Variants in PPFIA1 observed in about 807,000 individuals in gnomAD.
PPFIA1 encodes the protein liprin-alpha-1.
In PPFIA1, 25 loss-of-function variants were observed where a neutral mutation model predicts 149.9. That is an observed-to-expected ratio of 0.17 (90% CI 0.12 to 0.23). The LOEUF is 0.23. Ranked by LOEUF, PPFIA1 falls within the 10% of genes least tolerant of loss-of-function variation. PPFIA1 has a pLI of 1.00. For synonymous variants in PPFIA1, 549 were observed against 552.8 expected (o/e 0.99, Z 0.10); for missense variants, 1,362 against 1,506.5 (o/e 0.90, Z 1.59).
intron 2 of PPFIA1, among the ~76,000 whole-genome samples, chr11:70,313,094 G>A (rs2053394051): frequency 3.3e-5 from 5 of 152,190 alleles, no homozygotes; most frequent in Admixed American, 3.3e-4. Flanking sequence ...TGTTGAGCGA[G>A]CTGTAGATTG....
In PPFIA1 at chr11:70,339,175, C is replaced by A. The variant is rs1480581888; in HGVS notation, c.1576C>A (p.Pro526Thr). The A allele has an allele frequency of 6.2e-6, 10 of 1,613,594 alleles. No individual in the cohort carries two copies. Among genetic ancestry groups the A allele is most frequent in the Non-Finnish European group, 8.5e-6 (10 of 1,179,958 alleles). The change falls in exon 14 of 28, where the codon CCC (proline) becomes ACC (threonine). Residue 526 changes from proline (P) to threonine (T), a missense_variant. Pro to Thr is a conservative substitution (Grantham distance 38, BLOSUM62 -1). Around this residue, in one of 7 missense-constraint regions of PPFIA1, gnomAD observed 733 missense variants for 744.1 expected, o/e 0.99. Transcript: ENST00000253925. The part of the protein sequence containing the change: ...LRGASLHHGR[P>T]HLGSVPDFRF... ...TTCTTATTTTTCATGTTTCAGCCGA[C>A]CCCACTTGGGCAGTGTCCCAGATTT...
At chr11:70,325,234 G>C (rs904871505) in intron 4 of PPFIA1, 2 of 444,518 alleles carry the variant, frequency 4.5e-6, no homozygotes, top group African/African-American at 4.1e-5. Flanking sequence ...GTATTAGGTT[G>C]TTGCAAAAGT....
chr11:70,318,345 C>T (rs1388917501), intron 2 of PPFIA1, among the ~76,000 whole-genome samples: 3 of 152,204 alleles, frequency 2.0e-5, no homozygotes, highest in Admixed American at 1.3e-4. Flanking sequence ...CACCACACCT[C>T]TGGATCTGCA....
intron 2 of PPFIA1, among the ~76,000 whole-genome samples, chr11:70,273,290 C>A (rs755325274): frequency 2.0e-5 from 3 of 151,950 alleles, no homozygotes; most frequent in Non-Finnish European, 4.4e-5. Context: ...CTTAGAACAA[C>A]TGAAATTGTT....
At chr11:70,365,811 A>T (rs2056896640) in intron 21 of PPFIA1, 1 of 390,068 alleles carries the variant, frequency 2.6e-6, no homozygotes, top group Admixed American at 3.3e-5. Context: ...GTTTTGCATG[A>T]TGCTTTGATA....
intron 2 of PPFIA1, among the ~76,000 whole-genome samples, chr11:70,281,877 C>T (rs563548907): frequency 1.6e-4 from 24 of 152,262 alleles, no homozygotes; most frequent in Non-Finnish European, 2.5e-4. Flanking sequence ...GGTGGGTTGC[C>T]GGGCTACAGG....
intron 11 of PPFIA1, 78 bp downstream of exon 11, chr11:70,335,772 T>G (rs1394508644): frequency 6.5e-7 from 1 of 1,527,498 alleles, no homozygotes; most frequent in African/African-American, 1.4e-5. Flanking sequence ...TGAGCAGGCG[T>G]GTGTAACAGT....
At chr11:70,324,647 C>A in intron 3 of PPFIA1, 144 bp downstream of exon 3, 1 of 870,958 alleles carries the variant, frequency 1.1e-6, no homozygotes, top group Non-Finnish European at 1.8e-6. Flanking sequence ...TGTGATTAGT[C>A]AGCATGATCA....
intron 16 of PPFIA1, among the ~76,000 whole-genome samples, chr11:70,351,596 C>G (rs1373205074): frequency 6.6e-6 from 1 of 152,196 alleles, no homozygotes. Flanking sequence ...TTCCTTCAAG[C>G]ATCATGTCAG....
At chr11:70,300,291 T>G (rs1203198009) in intron 2 of PPFIA1, among the ~76,000 whole-genome samples, 1 of 152,228 alleles carries the variant, frequency 6.6e-6, no homozygotes, top group African/African-American at 2.4e-5. Flanking sequence ...TCTCCGCCAG[T>G]TCCTACTGGG....
intron 26 of PPFIA1, among the ~76,000 whole-genome samples, chr11:70,380,768 A>G (rs1300456133): frequency 6.6e-6 from 1 of 151,882 alleles, no homozygotes; most frequent in Non-Finnish European, 1.5e-5. Flanking sequence ...TAAAAGGTAT[A>G]GGGAATTTAT....
intron 2 of PPFIA1, among the ~76,000 whole-genome samples, chr11:70,295,683 G>C (rs2051919076): frequency 6.8e-6 from 1 of 146,346 alleles, no homozygotes; most frequent in Non-Finnish European, 1.5e-5. Context: ...GCCGGGCCGG[G>C]GGCTGACCCC....
intron 2 of PPFIA1, chr11:70,283,932 G>A (rs1467974967): frequency 8.1e-6 from 4 of 496,828 alleles, no homozygotes; most frequent in Non-Finnish European, 1.7e-5. Flanking sequence ...AAGTGTCCAG[G>A]TTTAGGTATA....
At chr11:70,298,789 C>G (rs570251004) in intron 2 of PPFIA1, among the ~76,000 whole-genome samples, 1 of 152,172 alleles carries the variant, frequency 6.6e-6, no homozygotes, top group Non-Finnish European at 1.5e-5. Context: ...TTACGATTCT[C>G]TTAGAAGTTT....
intron 2 of PPFIA1, among the ~76,000 whole-genome samples, chr11:70,312,599 T>C (rs2053359170): frequency 6.6e-6 from 1 of 152,220 alleles, no homozygotes; most frequent in African/African-American, 2.4e-5. Flanking sequence ...CACAGGTGGT[T>C]ACTGTGCAGC....
chr11:70,329,602 A>G (rs1235086953), intron 7 of PPFIA1, among the ~76,000 whole-genome samples: 2 of 152,146 alleles, frequency 1.3e-5, no homozygotes, highest in Non-Finnish European at 2.9e-5. Flanking sequence ...GCGTGCCACC[A>G]TGCGTGGCTA....
intron 7 of PPFIA1, among the ~76,000 whole-genome samples, chr11:70,328,130 C>G (rs2054431956): frequency 6.6e-6 from 1 of 151,930 alleles, no homozygotes; most frequent in Admixed American, 6.6e-5. Flanking sequence ...AGGTCTGTTA[C>G]ATAAGTAAAC....
intron 21 of PPFIA1, chr11:70,371,898 A>G (rs1309950554): frequency 1.1e-5 from 2 of 189,788 alleles, no homozygotes; most frequent in African/African-American, 4.7e-5. Context: ...GTCGTGATCA[A>G]TCTTTGTCAC....
rs570313765 is a variant in PPFIA1 at position 70,301,021 on chromosome 11, A to T, written c.265-23381A>T. 2.7e-4 allele frequency among the ~76,000 whole-genome samples: 41 copies of T among 152,248 alleles called. 1 individual carries two copies. Among genetic ancestry groups the T allele is most frequent in the African/African-American group, 9.6e-4 (40 of 41,552 alleles). ...GCCCTTCATTTTTACTAACTGCTGCAATGGCAGTCTGTTGTTTTCTGCCCA... is the reference window on the plus strand; with the variant it reads ...GCCCTTCATTTTTACTAACTGCTGCTATGGCAGTCTGTTGTTTTCTGCCCA... On this transcript the variant is annotated intron_variant, in intron 2 of 27. Transcript: ENST00000253925.
Sources: allele counts gnomAD v4.1 joint callset (sites outside exome capture counted in the v4.1 genomes callset), GRCh38; gene constraint gnomAD v4.1.1; regional missense constraint gnomAD v4.1.1; transcripts MANE v1.5; gene names NCBI Gene and HGNC (gene_info 2026-07-23, HGNC 2026-07-21).